The following ARAP1 variants were observed in gnomAD, a reference collection of about 807,000 sequenced individuals.
The protein encoded by ARAP1 is ArfGAP with RhoGAP domain, ankyrin repeat and PH domain 1, also known as arf-GAP with Rho-GAP domain, ANK repeat and PH domain-containing protein 1.
Under a neutral mutation model 172.2 loss-of-function variants are expected in ARAP1, and 76 were observed. The observed-to-expected ratio is 0.44, with a 90% CI of 0.37 to 0.53. The LOEUF (loss-of-function observed/expected upper bound fraction) is 0.53, where lower values mean the gene tolerates loss of function less well. Ranked by LOEUF, ARAP1 falls within the 20% of genes least tolerant of loss-of-function variation. The pLI, the probability that ARAP1 is intolerant of heterozygous loss-of-function variation, is 0.00. For missense variants in ARAP1, 1,686 were observed against 1,977.5 expected (o/e 0.85, Z 2.80); for synonymous variants, 804 against 803.3 (o/e 1.00, Z -0.01).
At chr11:72,713,643 C>T (rs180737076) in intron 4 of ARAP1, among the ~76,000 whole-genome samples, 6 of 152,100 alleles carry the variant, frequency 3.9e-5, no homozygotes, top group South Asian at 4.1e-4. Context: ...CTCAGGAGAT[C>T]GAGACCATCC....
intron 11 of ARAP1, chr11:72,708,237 A>T (rs999250037): frequency 3.3e-5 from 5 of 152,124 alleles, no homozygotes; most frequent in Admixed American, 1.3e-4. Flanking sequence ...CACTTTATGG[A>T]GGTGCTGGAG....
intron 34 of ARAP1, 111 bp from the exon 35 acceptor site, chr11:72,685,792 A>C (rs1389509717): frequency 6.8e-7 from 1 of 1,475,674 alleles, no homozygotes. Flanking sequence ...GCCGGGGAGC[A>C]CTCCAATCAG....
At chr11:72,691,916 C>T (rs977103894) in intron 30 of ARAP1, among the ~76,000 whole-genome samples, 2 of 152,140 alleles carry the variant, frequency 1.3e-5, no homozygotes, top group Non-Finnish European at 2.9e-5. Context: ...TCATAAGAAG[C>T]GCACAACCTA....
rs746313047 is a variant in ARAP1 at position 72,713,275 on chromosome 11, C to A, written c.680-32G>T. 6.2e-6 allele frequency: 10 copies of A among 1,605,658 alleles called. No individual in the cohort carries two copies. The Middle Eastern group carries it at 8.3e-4, about 133-fold the overall frequency. ...AGAGAGGGGTTGGGGGGCCTCAGGGCAAGGGGCCTGGCCTCCTCTCCTGGG... is the reference window on the plus strand; with the variant it reads ...AGAGAGGGGTTGGGGGGCCTCAGGGAAAGGGGCCTGGCCTCCTCTCCTGGG... On this transcript the variant is annotated intron_variant, in intron 4 of 34. Transcript: ENST00000393609.
rs896520844 is a variant in ARAP1 at position 72,728,617 on chromosome 11, G to A, written c.-44-1445C>T. 1.9e-4 allele frequency among the ~76,000 whole-genome samples: 29 copies of A among 152,058 alleles called. No homozygotes were observed. The Middle Eastern group carries it at 0.01, about 54-fold the overall frequency. ...AAAAACAAAAACAAAAGAAACAAAC[G>A]AAAATTAATATAACAGAAATCAACA... On this transcript the variant is annotated intron_variant, in intron 2 of 34. Coordinates refer to ENST00000393609, the MANE Select transcript of ARAP1 (RefSeq NM_001040118.3).
intron 2 of ARAP1, among the ~76,000 whole-genome samples, chr11:72,731,247 T>C (rs1449399049): frequency 6.6e-6 from 1 of 152,192 alleles, no homozygotes; most frequent in African/African-American, 2.4e-5. Context: ...CTGATATGGT[T>C]TGGATGTTTG....
At position 72,693,762 on chromosome 11, in the gene ARAP1, G is replaced by C; in HGVS notation, c.3738C>G (p.His1246Gln). The C allele has an allele frequency of 6.2e-7, 1 of 1,609,594 alleles. No homozygotes were observed. The highest frequency in any genetic ancestry group is 8.5e-7 in the Non-Finnish European group (1 of 1,178,100). Residue 1246 changes from histidine to glutamine, a missense_variant, in exon 28 of 35, where the codon CAC (histidine) becomes CAG (glutamine). His to Gln is a conservative substitution (Grantham distance 24). Coordinates refer to ENST00000393609, the MANE Select transcript of ARAP1 (RefSeq NM_001040118.3). The surrounding 1 kb of genome is among the most constrained non-coding windows in gnomAD (Gnocchi z 4.6). Reference sequence around the variant, plus strand: ...CCAGGTGGCTGTCCGTGCCCAGCCCGTGCAGGATGGGCAGCACCTTCTCCG... The same window carrying C: ...CCAGGTGGCTGTCCGTGCCCAGCCCCTGCAGGATGGGCAGCACCTTCTCCG... ...HFAEKVLPIL[H>Q]GLGTDSHLVV...
intron 1 of ARAP1, among the ~76,000 whole-genome samples, chr11:72,750,325 T>C (rs1671172101): frequency 6.6e-6 from 1 of 152,066 alleles, no homozygotes; most frequent in Non-Finnish European, 1.5e-5. Flanking sequence ...CCCCCTACCC[T>C]GGGAACAGAG....
intron 3 of ARAP1, among the ~76,000 whole-genome samples, chr11:72,718,062 C>T (rs905636408): frequency 1.3e-5 from 2 of 152,182 alleles, no homozygotes; most frequent in Admixed American, 6.5e-5. Flanking sequence ...GGGAAGGGAC[C>T]GTGTCTCACG....
intron 1 of ARAP1, among the ~76,000 whole-genome samples, chr11:72,738,724 G>A (rs569431917): frequency 1.3e-5 from 2 of 152,114 alleles, no homozygotes; most frequent in Admixed American, 1.3e-4. Flanking sequence ...GCCAGGCCTG[G>A]GTCTACAAAC....
chr11:72,697,676 C>G, intron 19 of ARAP1, 27 bp from the exon 20 acceptor site: 1 of 1,613,196 alleles, frequency 6.2e-7, no homozygotes. Flanking sequence ...CAAGGTGAGG[C>G]CCAGGTCTTG....
At chr11:72,743,219 G>A (rs201269999) in intron 1 of ARAP1, among the ~76,000 whole-genome samples, 2 of 152,200 alleles carry the variant, frequency 1.3e-5, no homozygotes, top group Non-Finnish European at 1.5e-5. Flanking sequence ...CTAGGACAAC[G>A]TCAAGAAAAT....
Position 72,713,804 on chromosome 11 carries a change from A to G in ARAP1, c.679+348T>C, listed in dbSNP as rs7110892. Among the ~76,000 whole-genome samples the G allele has an allele frequency of 8.4e-3, 1,261 of 149,394 alleles. 19 individuals carry two copies. Among genetic ancestry groups the G allele is most frequent in the African/African-American group, 0.026 (1,071 of 40,458 alleles). The stretch of plus-strand genomic sequence containing the variant: ...AGAGCTTGCAGTGGGCGGAGATTGC[A>G]CCACTGCACTCCAGCCTGGGCGACA... On this transcript the variant is annotated intron_variant, in intron 4 of 34. Coordinates refer to ENST00000393609, the MANE Select transcript of ARAP1 (RefSeq NM_001040118.3).
rs576968038 is a variant in ARAP1, at chr11:72,686,731, C to A, written c.4186-540G>T. Among the ~76,000 whole-genome samples the A allele has an allele frequency of 2.0e-5, 3 of 152,334 alleles. No homozygotes were observed. The South Asian group carries it at 6.2e-4, about 32-fold the overall frequency. Reference sequence around the variant, plus strand: ...CATGTCCCTGCCTGGGCTACCACAGCCACTGCCTCACTGGCCTGCTCACCT... The same window carrying A: ...CATGTCCCTGCCTGGGCTACCACAGACACTGCCTCACTGGCCTGCTCACCT... On this transcript the variant is annotated intron_variant, in intron 33 of 34. Transcript: ENST00000393609.
intron 1 of ARAP1, among the ~76,000 whole-genome samples, chr11:72,746,486 C>T (rs12292949): frequency 0.28 from 41,860 of 152,154 alleles, 6,199 homozygotes; most frequent in South Asian, 0.35. Context: ...CAGCCCAACT[C>T]GAGGCTTTTT....
At chr11:72,691,347 G>T (rs935687385) in intron 30 of ARAP1, among the ~76,000 whole-genome samples, 4 of 152,110 alleles carry the variant, frequency 2.6e-5, no homozygotes, top group African/African-American at 7.2e-5. Flanking sequence ...CATGCCCAGG[G>T]ATCCACACGT....
chr11:72,741,436 G>A lies in ARAP1; in HGVS notation c.-127-8839C>T, dbSNP rs565778851. 1.1e-4 allele frequency among the ~76,000 whole-genome samples: 17 copies of A among 152,180 alleles called. No homozygotes were observed. The highest frequency in any genetic ancestry group is 4.1e-4 in the African/African-American group (17 of 41,518). On this transcript the variant is annotated intron_variant, in intron 1 of 34. Coordinates refer to ENST00000393609, the MANE Select transcript of ARAP1 (RefSeq NM_001040118.3). This position sits in a 1 kb window ranked among gnomAD's most constrained non-coding sequence, Gnocchi z 4.5. ...AGCCCCACACCTACAGAGACCTGGG[G>A]CGCTCCCACCACCAGCAAGACAGGG...
intron 1 of ARAP1, among the ~76,000 whole-genome samples, chr11:72,745,355 A>ATTTTTTTTTTTT (rs35656290): frequency 3.6e-5 from 4 of 110,730 alleles, no homozygotes; most frequent in Non-Finnish European, 7.2e-5. Flanking sequence ...CGTCCGGCTA[A>ATTTTTTTTTTTT]TTTTTTTTTT....
At chr11:72,722,231 G>A in intron 3 of ARAP1, 1 of 985,768 alleles carries the variant, frequency 1.0e-6, no homozygotes, top group Non-Finnish European at 1.2e-6. Flanking sequence ...GTGTGTCTGT[G>A]TGTATGTGTG....
Sources: allele counts gnomAD v4.1 joint callset (sites outside exome capture counted in the v4.1 genomes callset), GRCh38; gene constraint gnomAD v4.1.1; non-coding constraint Gnocchi (gnomAD v3.1); transcripts MANE v1.5; gene names NCBI Gene and HGNC (gene_info 2026-07-23, HGNC 2026-07-21).